The following PRPF39 variants were observed in gnomAD, a reference collection of about 807,000 sequenced individuals.
PRPF39 encodes the protein pre-mRNA-processing factor 39.
PRPF39 carries 27 observed loss-of-function variants against 82.1 expected under a neutral mutation model. That is an observed-to-expected ratio of 0.33 (90% confidence interval 0.24 to 0.45). The LOEUF is 0.45. Ranked by LOEUF, PRPF39 falls within the 20% of genes least tolerant of loss-of-function variation. The pLI is 1.00. For missense variants in PRPF39, 581 were observed against 796.9 expected (o/e 0.73, Z 3.26); for synonymous variants, 261 against 256.4 (o/e 1.02, Z -0.17).
At chr14:45,093,533 A>G (rs1884105776) in intron 1 of PRPF39, among the ~76,000 whole-genome samples, 2 of 130,336 alleles carry the variant, frequency 1.5e-5, no homozygotes, top group South Asian at 2.4e-4. Flanking sequence ...CGAGTATACT[A>G]TTTATTAAAG....
At chr14:45,093,011 A>G (rs1464263470) in intron 1 of PRPF39, among the ~76,000 whole-genome samples, 1 of 152,234 alleles carries the variant, frequency 6.6e-6, no homozygotes, top group Non-Finnish European at 1.5e-5. Flanking sequence ...GGCAAAAAGA[A>G]TAAAGCACAC....
chr14:45,084,610 A>C (rs1048269972), intron 1 of PRPF39, among the ~76,000 whole-genome samples: 2 of 152,084 alleles, frequency 1.3e-5, no homozygotes, highest in African/African-American at 4.8e-5. Context: ...GAAGGAGCAC[A>C]TTTGCAGCCG....
chr14:45,098,105 T>A (rs1884257673), intron 4 of PRPF39, among the ~76,000 whole-genome samples: 1 of 152,214 alleles, frequency 6.6e-6, no homozygotes. Flanking sequence ...TCAGTATTTT[T>A]TTTTAATCAT....
At chr14:45,099,513 C>G (rs572224721) in intron 4 of PRPF39, among the ~76,000 whole-genome samples, 1 of 151,948 alleles carries the variant, frequency 6.6e-6, no homozygotes, top group African/African-American at 2.4e-5. Flanking sequence ...GGCTCGATCT[C>G]GGCTCACTGC....
Position 45,095,213 on chromosome 14 carries a change from T to A in PRPF39, c.-19-8T>A. ...GAAGATATTTCTCTTTTTTTCGTGT[T>A]TCCACAGATCGTTAACTGAAGACAA... On this transcript the variant is annotated splice_region_variant and splice_polypyrimidine_tract_variant and intron_variant, in intron 1 of 13. Transcript: ENST00000355765. 6.6e-7 allele frequency: 1 copy of A among 1,504,192 alleles called. No individual in the cohort carries two copies. Among genetic ancestry groups the A allele is most frequent in the Non-Finnish European group, 9.1e-7 (1 of 1,104,388 alleles). The allele number at this position is 1,504,192 out of a possible 1,614,324, so 93.2% of individuals were successfully genotyped here.
chr14:45,104,588 A>C (rs2139056338), intron 5 of PRPF39, among the ~76,000 whole-genome samples: 1 of 152,290 alleles, frequency 6.6e-6, no homozygotes, highest in East Asian at 1.9e-4. Flanking sequence ...ATAGAGGAGG[A>C]GGCGTGTGTT....
At position 45,115,058 on chromosome 14, in the gene PRPF39, G is replaced by A. The variant is rs1486320818; in HGVS notation, c.*145G>A. The A allele has an allele frequency of 5.7e-6, 3 of 523,550 alleles. No individual in the cohort carries two copies. The highest frequency in any genetic ancestry group is 1.9e-5 in the African/African-American group (1 of 51,706). 32.4% of individuals were successfully genotyped at this position (523,550 alleles called of 1,614,324 possible). On this transcript the variant is annotated 3_prime_UTR_variant, in exon 14 of 14. Coordinates refer to ENST00000355765, the MANE Select transcript of PRPF39 (RefSeq NM_017922.4). ...TGTAACATGATTTGTTTAGTAATAGGGGGAAAATGTCAATTAGTAGCTTAC... is the reference window on the plus strand; with the variant it reads ...TGTAACATGATTTGTTTAGTAATAGAGGGAAAATGTCAATTAGTAGCTTAC...
chr14:45,102,434 T>C, intron 4 of PRPF39, 95 bp from the exon 5 acceptor site: 1 of 1,073,950 alleles, frequency 9.3e-7, no homozygotes. Context: ...TTGAATATAA[T>C]TTTTGAAGTT....
chr14:45,102,385 T>C (rs368916305), intron 4 of PRPF39, 144 bp from the exon 5 acceptor site: 2 of 591,912 alleles, frequency 3.4e-6, no homozygotes, highest in South Asian at 2.9e-5. Context: ...CTTTCTGTTA[T>C]TCTGTCTACC....
At chr14:45,095,659 ACT>A in intron 2 of PRPF39, 96 bp downstream of exon 2, 1 of 1,397,548 alleles carries the variant, frequency 7.2e-7, no homozygotes, top group Middle Eastern at 2.4e-4. Context: ...ATTAAAATTG[ACT>A]CATAATTTTC....
intron 4 of PRPF39, among the ~76,000 whole-genome samples, chr14:45,097,953 C>G (rs1022903417): frequency 6.6e-6 from 1 of 152,134 alleles, no homozygotes; most frequent in Non-Finnish European, 1.5e-5. Flanking sequence ...AACAGTAGAT[C>G]TATGTTGCTT....
At chr14:45,097,219 C>G (rs937342328) in intron 4 of PRPF39, among the ~76,000 whole-genome samples, 1 of 152,074 alleles carries the variant, frequency 6.6e-6, no homozygotes, top group East Asian at 1.9e-4. Context: ...TTCCACTCCT[C>G]AAGGTTAATA....
chr14:45,091,165 A>C (rs1884011889), intron 1 of PRPF39, among the ~76,000 whole-genome samples: 1 of 151,900 alleles, frequency 6.6e-6, no homozygotes, highest in African/African-American at 2.4e-5. Context: ...TTTTAATAGA[A>C]TCTTGCTCTG....
intron 1 of PRPF39, among the ~76,000 whole-genome samples, chr14:45,087,882 C>T (rs943385088): frequency 4.6e-5 from 7 of 151,998 alleles, no homozygotes; most frequent in South Asian, 4.2e-4. Context: ...CCACTGCGCC[C>T]GGCCTCATAA....
intron 10 of PRPF39, among the ~76,000 whole-genome samples, chr14:45,111,539 T>G (rs1297112720): frequency 6.6e-6 from 1 of 151,330 alleles, no homozygotes. Flanking sequence ...ACTATGTTGG[T>G]CAGGCTGATC....
At chr14:45,097,795 A>G (rs1450693377) in intron 4 of PRPF39, among the ~76,000 whole-genome samples, 2 of 152,170 alleles carry the variant, frequency 1.3e-5, no homozygotes, top group Non-Finnish European at 2.9e-5. Flanking sequence ...GTAGTTTGCT[A>G]ATGTACTTGT....
At position 45,090,948 on chromosome 14, in the gene PRPF39, G is replaced by A. The variant is rs957067532; in HGVS notation, c.-19-4273G>A. Among the ~76,000 whole-genome samples, 4 of 152,012 alleles carry A rather than the reference G, an allele frequency of 2.6e-5. No individual in the cohort carries two copies. In the South Asian group the frequency reaches 6.2e-4, roughly 24 times the overall value. On this transcript the variant is annotated intron_variant, in intron 1 of 13. Coordinates refer to ENST00000355765, the MANE Select transcript of PRPF39 (RefSeq NM_017922.4). ...TTTTGTGTATTCCCTAGATTTACCT[G>A]GTTATAGCTAATTCTTTCAATGGCA... is the stretch of plus-strand genomic sequence containing the variant.
intron 12 of PRPF39, 26 bp from the exon 13 acceptor site, chr14:45,114,468 A>G (rs759173268): frequency 6.5e-7 from 1 of 1,539,938 alleles, no homozygotes; most frequent in Non-Finnish European, 8.7e-7. Context: ...GAGTTTTGAA[A>G]GTTTCCATTC....
intron 8 of PRPF39, 117 bp from the exon 9 acceptor site, chr14:45,109,977 C>T (rs1191983655): frequency 2.5e-6 from 4 of 1,569,548 alleles, no homozygotes; most frequent in Non-Finnish European, 3.4e-6. Flanking sequence ...AGAAACTAGT[C>T]TAGTGGTTCA....
Sources: gnomAD v4.1 joint callset for allele counts (sites outside exome capture counted in the v4.1 genomes callset) on GRCh38, gnomAD v4.1.1 for gene constraint, MANE v1.5 for transcripts, NCBI Gene and HGNC (gene_info 2026-07-23, HGNC 2026-07-21) for gene names.